Variants in BDP1 observed in about 807,000 individuals in gnomAD.
The protein encoded by BDP1 is BDP1 general transcription factor IIIB subunit.
A neutral mutation model predicts 266.6 loss-of-function variants in BDP1; 169 were observed. The ratio of observed to expected loss-of-function variants is 0.63; its 90% CI spans 0.56 to 0.72. BDP1 has a LOEUF of 0.72. Among genes scored for constraint, BDP1 ranks in the 30% least tolerant of loss-of-function variants. The pLI is 0.00. For missense variants in BDP1, 3,015 were observed against 3,053.8 expected, an observed-to-expected ratio of 0.99 and a Z score of 0.30; for synonymous variants, 1,090 against 1,022.4, an observed-to-expected ratio of 1.07 and a Z score of -1.26.
At chr5:71,518,497 A>G (rs1388251311) in intron 22 of BDP1, among the ~76,000 whole-genome samples, 1 of 152,102 alleles carries the variant, frequency 6.6e-6, no homozygotes, top group East Asian at 1.9e-4. Flanking sequence ...GTCGCCCAGG[A>G]TGGAGTGCAG....
chr5:71,513,124 A>AGAC, intron 18 of BDP1, 61 bp from the exon 19 acceptor site: 1 of 1,141,522 alleles, frequency 8.8e-7, no homozygotes, highest in South Asian at 1.4e-5. Flanking sequence ...GGTTGTACTG[A>AGAC]GACTCCGTTT....
chr5:71,489,245 A>G (rs1208282396), intron 9 of BDP1, among the ~76,000 whole-genome samples, 159 bp from the exon 10 acceptor site: 16 of 152,120 alleles, frequency 1.1e-4, no homozygotes, highest in African/African-American at 3.1e-4. Context: ...GGATTTTTAT[A>G]TATTATTTAG....
chr5:71,505,003 AT>A (rs1320987455), intron 16 of BDP1, among the ~76,000 whole-genome samples: 7 of 152,040 alleles, frequency 4.6e-5, no homozygotes, highest in Non-Finnish European at 8.8e-5. Flanking sequence ...TTATCACTTT[AT>A]TTTATTTTAT....
intron 4 of BDP1, among the ~76,000 whole-genome samples, chr5:71,465,104 C>A (rs1341771655): frequency 6.6e-6 from 1 of 151,920 alleles, no homozygotes; most frequent in Non-Finnish European, 1.5e-5. Flanking sequence ...CTTCTAAGCT[C>A]AAGTAATCCT....
Position 71,504,627 on chromosome 5 carries a change from C to T in BDP1, c.2248C>T (p.Gln750Ter), listed in dbSNP as rs1764465179. 6.2e-7 allele frequency: 1 copy of T among 1,611,556 alleles called. No homozygotes were observed. Among genetic ancestry groups the T allele is most frequent in the African/African-American group, 1.3e-5 (1 of 74,918 alleles). The change falls in exon 16 of 39, where the codon CAA becomes TAA. Residue 750 changes from glutamine to a stop codon, truncating the protein, a stop_gained. Transcript: ENST00000358731. LOFTEE classifies it high-confidence loss of function. ...NESCADRDTP[Q>*]HMEDQSRKDF... is the part of the protein sequence containing the mutation. ...AAATTTGTTTGTTTTTAAGACTCCT[C>T]AACACATGGAAGATCAATCGCGTAA...
In BDP1 at chr5:71,566,377, G is replaced by T. The variant is rs759064747; in HGVS notation, c.*1492G>T. 6.6e-6 allele frequency: 1 copy of T among 152,180 alleles called. No homozygotes were observed. The highest frequency in any genetic ancestry group is 1.5e-5 in the Non-Finnish European group (1 of 68,022). 9.4% of individuals were successfully genotyped at this position (152,180 alleles called of 1,614,324 possible). A position where few individuals can be genotyped will look rare whatever the true frequency, so the allele number is the denominator to read the frequency against. On this transcript the variant is annotated 3_prime_UTR_variant, in exon 39 of 39. Transcript: ENST00000358731. The stretch of plus-strand genomic sequence containing the variant: ...GAAAATAAGGCTTTATAAAGTTAAT[G>T]ATTATCATCAGTATGAATTTAAGGT...
At position 71,532,312 on chromosome 5, in the gene BDP1, A is replaced by T; in HGVS notation, c.5777A>T (p.Glu1926Val). The T allele has an allele frequency of 1.9e-6, 3 of 1,613,158 alleles. No homozygotes were observed. Among genetic ancestry groups the T allele is most frequent in the Non-Finnish European group, 2.5e-6 (3 of 1,179,540 alleles). Reference protein sequence around the residue: ...AQIEETMEELEITVNVPDVGC... With the variant: ...AQIEETMEELVITVNVPDVGC... ...GATAAAACTTTATTTTGACAGCTTG[A>T]AATAACTGTGAATGTCCCAGATGTA... Residue 1926 changes from glutamate to valine, a missense_variant, in exon 26 of 39, where the codon GAA becomes GTA. Physicochemically the swap from Glu to Val is moderately radical, Grantham distance 121. Transcript: ENST00000358731.
chr5:71,507,980 G>C (rs1158334316), intron 16 of BDP1, among the ~76,000 whole-genome samples: 1 of 152,172 alleles, frequency 6.6e-6, no homozygotes, highest in Non-Finnish European at 1.5e-5. Flanking sequence ...TTTTGTTTCT[G>C]TTTGAGACAG....
chr5:71,489,747 A>G, intron 10 of BDP1, 65 bp downstream of exon 10: 3 of 1,389,142 alleles, frequency 2.2e-6, no homozygotes, highest in Non-Finnish European at 2.9e-6. Context: ...GTAATATGGT[A>G]TGTAACTTAA....
At position 71,483,897 on chromosome 5, in the gene BDP1, G is replaced by GT. The variant is rs753385045; in HGVS notation, c.1069+2dup. 8 of 1,606,250 alleles carry GT rather than the reference G, an allele frequency of 5.0e-6. No individual in the cohort carries two copies. In the South Asian group the frequency reaches 5.5e-5, roughly 11 times the overall value. On this transcript the variant is annotated splice_donor_variant, in intron 8 of 38. Coordinates refer to ENST00000358731, the MANE Select transcript of BDP1 (RefSeq NM_018429.3). LOFTEE classifies it high-confidence loss of function. ...GGATGGAGAATAGACAAAGCATTCC[G>GT]TAAGTATTAAGACCTCTTTTACAAA...
chr5:71,515,119 T>G lies in BDP1; in HGVS notation c.4646T>G (p.Val1549Gly). ...CAGAAAAATGACTCAGTTGTTTCTG[T>G]GGGGTAAACAGTGATTTTCTTTGAC... The part of the protein sequence containing the change: ...PVQKNDSVVS[V>G]GTNNVNTFQQ... Residue 1549 changes from valine (V) to glycine (G), a missense_variant, in exon 20 of 39, where the codon GTG becomes GGG. Val to Gly is a moderately radical substitution (Grantham distance 109). Transcript: ENST00000358731. The G allele has an allele frequency of 6.3e-7, 1 of 1,584,176 alleles. No individual in the cohort carries two copies.
At chr5:71,500,675 T>C (rs2150438377) in intron 13 of BDP1, among the ~76,000 whole-genome samples, 1 of 152,276 alleles carries the variant, frequency 6.6e-6, no homozygotes, top group African/African-American at 2.4e-5. Flanking sequence ...ACCAATCTTT[T>C]CACATATCTC....
intron 18 of BDP1, 123 bp from the exon 19 acceptor site, chr5:71,513,062 C>CCA: frequency 5.7e-6 from 3 of 528,198 alleles, no homozygotes; most frequent in African/African-American, 3.3e-5. Flanking sequence ...GACCCTGTCT[C>CCA]CAAAAAAAAA....
intron 4 of BDP1, among the ~76,000 whole-genome samples, chr5:71,464,601 G>C (rs1307353577): frequency 1.3e-5 from 2 of 151,822 alleles, no homozygotes; most frequent in Non-Finnish European, 2.9e-5. Context: ...GAGTGCAGTG[G>C]TGTGAACATA....
At chr5:71,462,215 G>A (rs1006797480) in intron 3 of BDP1, among the ~76,000 whole-genome samples, 1 of 151,956 alleles carries the variant, frequency 6.6e-6, no homozygotes, top group Non-Finnish European at 1.5e-5. Context: ...CACCCGCTTC[G>A]GCTTTCCAAA....
At position 71,497,427 on chromosome 5, in the gene BDP1, G is replaced by T; in HGVS notation, c.1956+1G>T. ...ACATTCAAAAACTTCAGTTGAAAAG[G>T]TATGGGGTAAGAGATTTCATGGAAA... On this transcript the variant is annotated splice_donor_variant, in intron 13 of 38. Transcript: ENST00000358731. LOFTEE classifies it high-confidence loss of function. The T allele has an allele frequency of 6.2e-7, 1 of 1,607,646 alleles. No individual in the cohort carries two copies. Among genetic ancestry groups the T allele is most frequent in the Non-Finnish European group, 8.5e-7 (1 of 1,177,598 alleles).
intron 4 of BDP1, 142 bp downstream of exon 4, chr5:71,464,259 G>A (rs1364259448): frequency 1.8e-6 from 1 of 554,848 alleles, no homozygotes; most frequent in African/African-American, 1.9e-5. Flanking sequence ...ACTTTGCGAA[G>A]CCAAGATGGG....
Position 71,458,707 on chromosome 5 carries a change from A to T in BDP1, c.341A>T (p.Glu114Val). The change falls in exon 2 of 39, where the codon GAA becomes GTA. Residue 114 changes from glutamate to valine, a missense_variant. Coordinates refer to ENST00000358731, the MANE Select transcript of BDP1 (RefSeq NM_018429.3). ...AAGTCTAGTGTCAGTGTTCCTTCAGAATCTCATCCCTTATCTACAATTAAT... is the reference window on the plus strand; with the variant it reads ...AAGTCTAGTGTCAGTGTTCCTTCAGTATCTCATCCCTTATCTACAATTAAT... ...LVKSSVSVPS[E>V]SHPLSTINQE... is the part of the protein sequence containing the mutation. 6.2e-7 allele frequency: 1 copy of T among 1,614,178 alleles called. No individual in the cohort carries two copies. Among genetic ancestry groups the T allele is most frequent in the Non-Finnish European group, 8.5e-7 (1 of 1,180,028 alleles).
rs1167666336 is a variant in BDP1 at position 71,560,040 on chromosome 5, A to G, written c.7299A>G (p.Pro2433=). 1.2e-6 allele frequency: 2 copies of G among 1,613,922 alleles called. No homozygotes were observed. The highest frequency in any genetic ancestry group is 2.7e-5 in the African/African-American group (2 of 74,926). Residue 2433 remains proline (P), a synonymous_variant, in exon 37 of 39, where the codon CCA becomes CCG. Transcript: ENST00000358731. ...FLTSGSTLTT[P]EPQRQQVEAA... is the part of the protein sequence containing the mutation. ...CCTCAGGAAGCACACTGACAACTCC[A>G]GAACCTCAAAGACAGCAAGTTGAAG... is the stretch of plus-strand genomic sequence containing the variant.
Sources: gnomAD v4.1 joint callset for allele counts (sites outside exome capture counted in the v4.1 genomes callset) on GRCh38, gnomAD v4.1.1 for gene constraint, MANE v1.5 for transcripts, NCBI Gene and HGNC (gene_info 2026-07-23, HGNC 2026-07-21) for gene names.